PARD3B: variants seen among roughly 807,000 people sequenced by gnomAD.
PARD3B encodes the protein par-3 family cell polarity regulator beta, also known as partitioning defective 3 homolog B.
In PARD3B, 103 loss-of-function variants were observed where a neutral mutation model predicts 130.2. The observed-to-expected ratio is 0.79, with a 90% CI of 0.67 to 0.93. The LOEUF is 0.93. Among genes scored for constraint, PARD3B ranks in the 40% least tolerant of loss-of-function variants. The probability of loss-of-function intolerance (pLI) is 0.00; values close to 1 mark genes in which losing one functional copy is unlikely to be tolerated. For synonymous variants in PARD3B, 583 were observed against 553.2 expected (o/e 1.05, Z -0.76); for missense variants, 1,609 against 1,499.2 (o/e 1.07, Z -1.21).
chr2:205,388,250 A>G (rs1559044185), intron 18 of PARD3B, among the ~76,000 whole-genome samples: 1 of 152,188 alleles, frequency 6.6e-6, no homozygotes, highest in Non-Finnish European at 1.5e-5. Flanking sequence ...ACTGGCAGCC[A>G]TTTTGAACTG....
intron 3 of PARD3B, among the ~76,000 whole-genome samples, chr2:204,975,280 A>G (rs997913341): frequency 2.0e-5 from 3 of 152,108 alleles, no homozygotes; most frequent in Non-Finnish European, 4.4e-5. Context: ...GTCTTCATTG[A>G]CTCACTAGTT....
intron 2 of PARD3B, among the ~76,000 whole-genome samples, chr2:204,692,032 C>G (rs1247460832): frequency 6.6e-6 from 1 of 152,114 alleles, no homozygotes; most frequent in Non-Finnish European, 1.5e-5. Context: ...TTGCGCAATG[C>G]TGCATGAACT....
intron 2 of PARD3B, among the ~76,000 whole-genome samples, chr2:204,932,426 A>G (rs778929190): frequency 6.6e-6 from 1 of 152,158 alleles, no homozygotes; most frequent in African/African-American, 2.4e-5. Flanking sequence ...TTCAATTTAT[A>G]TCCTAAAAAT....
intron 22 of PARD3B, among the ~76,000 whole-genome samples, chr2:205,566,703 G>A (rs1047882458): frequency 6.6e-6 from 1 of 152,184 alleles, no homozygotes; most frequent in Non-Finnish European, 1.5e-5. Context: ...TTAAGCAAAT[G>A]TGTATTCATG....
chr2:204,911,926 A>C (rs1235745443), intron 2 of PARD3B, among the ~76,000 whole-genome samples: 1 of 152,166 alleles, frequency 6.6e-6, no homozygotes. Flanking sequence ...ACTAAAAAAA[A>C]CAAAAAGTAA....
chr2:204,613,683 C>A (rs1272282576), intron 1 of PARD3B, among the ~76,000 whole-genome samples: 1 of 151,808 alleles, frequency 6.6e-6, no homozygotes, highest in Admixed American at 6.6e-5. Flanking sequence ...TTAAATTTTG[C>A]CATCAAAAGT....
chr2:205,035,976 A>G (rs1416735250), intron 3 of PARD3B, among the ~76,000 whole-genome samples: 4 of 144,746 alleles, frequency 2.8e-5, no homozygotes, highest in African/African-American at 7.6e-5. Context: ...GGGACTATTT[A>G]TATATATAGT....
At chr2:205,583,377 C>CTA (rs1553553115) in intron 22 of PARD3B, among the ~76,000 whole-genome samples, 1 of 150,374 alleles carries the variant, frequency 6.7e-6, no homozygotes, top group African/African-American at 2.4e-5. Context: ...CTCCTAAGCT[C>CTA]TGTGTGTGTG....
intron 2 of PARD3B, among the ~76,000 whole-genome samples, chr2:204,860,651 G>A (rs1046680418): frequency 6.6e-6 from 1 of 152,186 alleles, no homozygotes; most frequent in African/African-American, 2.4e-5. Flanking sequence ...AGTTTCCTAA[G>A]TGTGCTCCCT....
At chr2:205,567,376 A>G (rs2053387667) in intron 22 of PARD3B, among the ~76,000 whole-genome samples, 1 of 126,746 alleles carries the variant, frequency 7.9e-6, no homozygotes, top group African/African-American at 3.0e-5. Context: ...GTGCAGTGGC[A>G]CGATCTCGGC....
intron 1 of PARD3B, among the ~76,000 whole-genome samples, chr2:204,604,204 T>A (rs1028251763): frequency 1.8e-4 from 27 of 152,170 alleles, no homozygotes; most frequent in African/African-American, 6.3e-4. Flanking sequence ...CTCCTGTGCC[T>A]TTGACATCCT....
At chr2:205,526,619 GC>G (rs2051349867) in intron 21 of PARD3B, among the ~76,000 whole-genome samples, 1 of 152,136 alleles carries the variant, frequency 6.6e-6, no homozygotes, top group African/African-American at 2.4e-5. Context: ...AAACAACAAG[GC>G]AGATGCCACA....
intron 1 of PARD3B, among the ~76,000 whole-genome samples, chr2:204,634,092 T>A (rs544584833): frequency 5.9e-5 from 9 of 152,128 alleles, no homozygotes; most frequent in Admixed American, 1.3e-4. Context: ...TTTCTAACTA[T>A]TTTTTTGTAC....
intron 2 of PARD3B, among the ~76,000 whole-genome samples, chr2:204,746,454 G>A (rs1336104766): frequency 6.6e-6 from 1 of 152,000 alleles, no homozygotes; most frequent in Non-Finnish European, 1.5e-5. Context: ...GTGTGCATGT[G>A]TCTTTATAGC....
At chr2:205,600,852 G>A (rs1443883647) in intron 22 of PARD3B, among the ~76,000 whole-genome samples, 1 of 152,172 alleles carries the variant, frequency 6.6e-6, no homozygotes. Context: ...TTTTATGGCT[G>A]CATAGTATTC....
intron 19 of PARD3B, among the ~76,000 whole-genome samples, chr2:205,412,271 A>G (rs2046625820): frequency 6.6e-6 from 1 of 152,098 alleles, no homozygotes; most frequent in Admixed American, 6.6e-5. Flanking sequence ...TTAGCATCTC[A>G]TATTGAGAGT....
At chr2:204,565,009 G>A (rs2031583841) in intron 1 of PARD3B, among the ~76,000 whole-genome samples, 1 of 152,278 alleles carries the variant, frequency 6.6e-6, no homozygotes, top group South Asian at 2.1e-4. Context: ...ATATCGCCTA[G>A]GCTATGCTCT....
intron 19 of PARD3B, among the ~76,000 whole-genome samples, chr2:205,412,526 G>C (rs1574956350): frequency 6.6e-6 from 1 of 152,118 alleles, no homozygotes. Context: ...AGTGATAATT[G>C]CTTTGATCAA....
chr2:205,579,002 A>C (rs1326191181), intron 22 of PARD3B, among the ~76,000 whole-genome samples: 1 of 152,268 alleles, frequency 6.6e-6, no homozygotes. Flanking sequence ...GTTTTAATAA[A>C]GTGTATCCAT....
Sources: gnomAD v4.1 joint callset for allele counts (sites outside exome capture counted in the v4.1 genomes callset) on GRCh38, gnomAD v4.1.1 for gene constraint, MANE v1.5 for transcripts, NCBI Gene and HGNC (gene_info 2026-07-23, HGNC 2026-07-21) for gene names.